The following TSBP1 variants were observed in gnomAD, a reference collection of about 807,000 sequenced individuals.
TSBP1 encodes testis expressed basic protein 1, also known as testis-expressed basic protein 1.
TSBP1 carries 56 observed loss-of-function variants against 68.8 expected under a neutral mutation model. The ratio of observed to expected loss-of-function variants is 0.81; its 90% CI spans 0.66 to 1.02. The LOEUF (loss-of-function observed/expected upper bound fraction) is 1.02, where lower values mean the gene tolerates loss of function less well. Ranked by LOEUF, TSBP1 falls within the 50% of genes least tolerant of loss-of-function variation. The pLI, the probability that TSBP1 is intolerant of heterozygous loss-of-function variation, is 0.00. For missense variants in TSBP1, 502 were observed against 641.2 expected (o/e 0.78, Z 2.34); for synonymous variants, 171 against 208.7 (o/e 0.82, Z 1.56).
intron 19 of TSBP1, among the ~76,000 whole-genome samples, chr6:32,310,323 A>G (rs1360617452): frequency 2.6e-5 from 4 of 152,116 alleles, no homozygotes; most frequent in Admixed American, 6.5e-5. Context: ...GTGGACCATT[A>G]TGATCTGAGG....
At chr6:32,368,686 C>T (rs564997537) in intron 3 of TSBP1, 96 bp downstream of exon 3, 1 of 1,321,018 alleles carries the variant, frequency 7.6e-7, no homozygotes, top group African/African-American at 1.4e-5. Context: ...ATGCAAGGTT[C>T]TGGAAACACA....
At chr6:32,327,379 C>G (rs1383184002) in intron 16 of TSBP1, among the ~76,000 whole-genome samples, 1 of 152,056 alleles carries the variant, frequency 6.6e-6, no homozygotes, top group Non-Finnish European at 1.5e-5. Context: ...TCAGTTCTCC[C>G]TTGATAGGCT....
intron 22 of TSBP1, 113 bp downstream of exon 25, chr6:32,299,809 T>C: frequency 1.2e-6 from 1 of 839,408 alleles, no homozygotes; most frequent in Non-Finnish European, 2.0e-6. Context: ...GATAGGAACA[T>C]TCAAATTGGC....
chr6:32,321,681 A>G lies in TSBP1; in HGVS notation c.559+1436T>C, dbSNP rs925288912. 6.6e-6 allele frequency among the ~76,000 whole-genome samples: 1 copy of G among 152,208 alleles called. No individual in the cohort carries two copies. Among genetic ancestry groups the G allele is most frequent in the African/African-American group, 2.4e-5 (1 of 41,456 alleles). On this transcript the variant is annotated intron_variant, in intron 18 of 22. Transcript: ENST00000612031. This position sits in a 1 kb window ranked among gnomAD's most constrained non-coding sequence, Gnocchi z 4.3. ...TGGCTAATTCTGTGTTAATAGCTCCAATTCTCCTCTCTCAAATACCAATGC... is the reference window on the plus strand; with the variant it reads ...TGGCTAATTCTGTGTTAATAGCTCCGATTCTCCTCTCTCAAATACCAATGC...
At chr6:32,329,562 G>T (rs1768681557) in intron 16 of TSBP1, among the ~76,000 whole-genome samples, 1 of 152,158 alleles carries the variant, frequency 6.6e-6, no homozygotes, top group Non-Finnish European at 1.5e-5. Flanking sequence ...TAGTGTGGTT[G>T]TGTGGGATGC....
intron 14 of TSBP1, chr6:32,334,010 T>C: frequency 3.6e-6 from 1 of 276,224 alleles, no homozygotes; most frequent in South Asian, 3.1e-5. Flanking sequence ...ATATGTATCT[T>C]TGATTCTGAA....
intron 16 of TSBP1, among the ~76,000 whole-genome samples, chr6:32,328,841 A>G (rs917796290): frequency 2.0e-5 from 3 of 151,992 alleles, no homozygotes; most frequent in Admixed American, 2.0e-4. Context: ...ATGAGCCACC[A>G]TGCCTGGCCC....
rs1770196428 is a variant in TSBP1 at position 32,340,422 on chromosome 6, T to C, written c.350-784A>G. Among the ~76,000 whole-genome samples, 1 of 152,126 alleles carries C rather than the reference T, an allele frequency of 6.6e-6. No homozygotes were observed. Among genetic ancestry groups the C allele is most frequent in the African/African-American group, 2.4e-5 (1 of 41,416 alleles). ...CTCAGCATTTGGGAAGAGATGTCTG[T>C]TTTTCTATGTGGTATTTTAGGCCGT... On this transcript the variant is annotated intron_variant, in intron 9 of 22. Coordinates refer to ENST00000612031, the Ensembl canonical transcript of TSBP1. The surrounding 1 kb of genome is among the most constrained non-coding windows in gnomAD (Gnocchi z 4.8).
chr6:32,335,114 A>G lies in TSBP1; in HGVS notation c.472+323T>C, dbSNP rs750174963. On this transcript the variant is annotated intron_variant, in intron 14 of 22. Transcript: ENST00000612031. The surrounding 1 kb of genome is among the most constrained non-coding windows in gnomAD (Gnocchi z 5.5). ...ATCTAATAATGGAAAAATTATTTGC[A>G]TGGAAAGCACAGCAGGAAGTTTAGG... 6.6e-6 allele frequency among the ~76,000 whole-genome samples: 1 copy of G among 152,236 alleles called. No homozygotes were observed. Among genetic ancestry groups the G allele is most frequent in the Admixed American group, 6.5e-5 (1 of 15,284 alleles).
intron 19 of TSBP1, among the ~76,000 whole-genome samples, chr6:32,308,017 T>G (rs1343378441): frequency 6.6e-6 from 1 of 151,920 alleles, no homozygotes; most frequent in Non-Finnish European, 1.5e-5. Flanking sequence ...TCAAGTGATC[T>G]ACCCGCTTTG....
chr6:32,363,580 A>G (rs1253144485), intron 6 of TSBP1, among the ~76,000 whole-genome samples: 1 of 151,664 alleles, frequency 6.6e-6, no homozygotes, highest in Non-Finnish European at 1.5e-5. Context: ...TGGTTTCAAC[A>G]GTCTATTTGA....
intron 8 of TSBP1, among the ~76,000 whole-genome samples, chr6:32,351,161 G>A (rs1771671630): frequency 6.6e-6 from 1 of 152,188 alleles, no homozygotes. Context: ...AAATTCCCTT[G>A]TAGTTAGGTG....
At chr6:32,322,568 T>C (rs1767752562) in intron 18 of TSBP1, 62 bp from the exon 20 acceptor site, 1 of 1,288,132 alleles carries the variant, frequency 7.8e-7, no homozygotes. Flanking sequence ...CATAGTATTA[T>C]CTAATATATT....
intron 16 of TSBP1, among the ~76,000 whole-genome samples, chr6:32,324,131 G>A (rs1302804408): frequency 6.6e-6 from 1 of 152,110 alleles, no homozygotes; most frequent in Admixed American, 6.6e-5. Context: ...AGAGAATGAT[G>A]TGTCACATGA....
chr6:32,316,571 T>G lies in TSBP1; in HGVS notation c.560-779A>C, dbSNP rs1766979599. On this transcript the variant is annotated intron_variant, in intron 18 of 22. Transcript: ENST00000612031. This position sits in a 1 kb window ranked among gnomAD's most constrained non-coding sequence, Gnocchi z 4.5. ...GCTCCAATTCTTTATGACTGCATTC[T>G]TGGGTAAGTATTTGGGTCAGTTTCT... Among the ~76,000 whole-genome samples, 1 of 152,184 alleles carries G rather than the reference T, an allele frequency of 6.6e-6. No homozygotes were observed. Among genetic ancestry groups the G allele is most frequent in the African/African-American group, 2.4e-5 (1 of 41,446 alleles).
intron 9 of TSBP1, among the ~76,000 whole-genome samples, chr6:32,341,218 C>T (rs553280188): frequency 2.6e-5 from 4 of 152,190 alleles, no homozygotes; most frequent in African/African-American, 7.2e-5. Context: ...AAAAAACTTA[C>T]GATGTACATA....
At chr6:32,341,189 A>G (rs540661038) in intron 9 of TSBP1, among the ~76,000 whole-genome samples, 1 of 152,284 alleles carries the variant, frequency 6.6e-6, no homozygotes, top group African/African-American at 2.4e-5. Flanking sequence ...GTTGCCTTAC[A>G]GAGTAAAGAA....
chr6:32,360,971 C>T (rs1772956558), intron 6 of TSBP1, among the ~76,000 whole-genome samples: 1 of 151,532 alleles, frequency 6.6e-6, no homozygotes, highest in African/African-American at 2.4e-5. Flanking sequence ...TGTTGGTGTG[C>T]TGCACCCATT....
At chr6:32,327,969 T>C (rs975986270) in intron 16 of TSBP1, among the ~76,000 whole-genome samples, 1 of 151,536 alleles carries the variant, frequency 6.6e-6, no homozygotes, top group African/African-American at 2.4e-5. Flanking sequence ...TTATTATTTT[T>C]TTTTTTTTGT....
Sources: allele counts gnomAD v4.1 joint callset (sites outside exome capture counted in the v4.1 genomes callset), GRCh38; gene constraint gnomAD v4.1.1; non-coding constraint Gnocchi (gnomAD v3.1); transcripts MANE v1.5; gene names NCBI Gene and HGNC (gene_info 2026-07-23, HGNC 2026-07-21).